ADA2: variants seen among roughly 807,000 people sequenced by gnomAD.
ADA2 encodes the protein adenosine deaminase 2.
A neutral mutation model predicts 44.2 loss-of-function variants in ADA2; 29 were observed. The ratio of observed to expected loss-of-function variants is 0.66; its 90% CI spans 0.49 to 0.89. The LOEUF (loss-of-function observed/expected upper bound fraction) is 0.89, where lower values mean the gene tolerates loss of function less well. ADA2 is among the 40% of genes least tolerant of loss of function. The probability of loss-of-function intolerance (pLI) is 0.00; values close to 1 mark genes in which losing one functional copy is unlikely to be tolerated. For missense variants in ADA2, 637 were observed against 644.8 expected, an observed-to-expected ratio of 0.99 and a Z score of 0.13; for synonymous variants, 215 against 234.9, an observed-to-expected ratio of 0.92 and a Z score of 0.77.
At chr22:17,188,045 AG>A (rs1440867401) in intron 7 of ADA2, among the ~76,000 whole-genome samples, 1 of 151,686 alleles carries the variant, frequency 6.6e-6, no homozygotes, top group East Asian at 1.9e-4. Flanking sequence ...CCGAGGTTGC[AG>A]TGAGCTGGGC....
At chr22:17,206,726 ACCTCCTGGGTTAAAGTGAT>A (rs915035426) in intron 3 of ADA2, among the ~76,000 whole-genome samples, 8 of 152,052 alleles carry the variant, frequency 5.3e-5, no homozygotes, top group African/African-American at 1.7e-4. Context: ...TGTGGCCTCA[ACCTCCTGGGTTAAAGTGAT>A]CCTCCTGGGT....
In ADA2 at chr22:17,181,369, G is replaced by A. The variant is rs1280576196; in HGVS notation, c.*114C>T. On this transcript the variant is annotated 3_prime_UTR_variant, in exon 10 of 10. Transcript: ENST00000399837. ...CCAGCCAAGTGCTTCTCACAGGGTC[G>A]CTCCATACAGAGGCCATTGATTTCA... 20 of 751,434 alleles carry A rather than the reference G, an allele frequency of 2.7e-5. No homozygotes were observed. The highest frequency in any genetic ancestry group is 2.3e-4 in the South Asian group (15 of 66,432). 46.5% of individuals were successfully genotyped at this position (751,434 alleles called of 1,614,324 possible).
intron 7 of ADA2, among the ~76,000 whole-genome samples, chr22:17,187,007 A>G (rs1349882337): frequency 6.6e-6 from 1 of 151,848 alleles, no homozygotes; most frequent in Non-Finnish European, 1.5e-5. Context: ...TCTACTAAAA[A>G]TACAAAAAAT....
chr22:17,198,026 G>GAT (rs1225496333), intron 4 of ADA2, among the ~76,000 whole-genome samples: 1 of 144,100 alleles, frequency 6.9e-6, no homozygotes, highest in Admixed American at 7.2e-5. Context: ...CAACAAGAAC[G>GAT]AAACTCCGTC....
chr22:17,180,651 G>T lies in ADA2; in HGVS notation c.*832C>A, dbSNP rs1189859347. On this transcript the variant is annotated 3_prime_UTR_variant, in exon 10 of 10. Transcript: ENST00000399837. ...AAAAATTAAAGTAGAGAAAAAGAAA[G>T]GTTTAAAGGGAAGAGACTGAGGGTT... The T allele has an allele frequency of 6.6e-6, 1 of 151,962 alleles. No homozygotes were observed. The highest frequency in any genetic ancestry group is 2.4e-5 in the African/African-American group (1 of 41,372). 9.4% of individuals were successfully genotyped at this position (151,962 alleles called of 1,614,324 possible). A position where few individuals can be genotyped will look rare whatever the true frequency, so the allele number is the denominator to read the frequency against.
chr22:17,198,982 C>G (rs1366321624), intron 4 of ADA2, among the ~76,000 whole-genome samples: 1 of 151,622 alleles, frequency 6.6e-6, no homozygotes, highest in Non-Finnish European at 1.5e-5. Flanking sequence ...CAAAAGGATT[C>G]TAGTGAAGAC....
chr22:17,199,416 T>TCCTCCCTCCTCTCCTCTATCCTCTTCC, intron 4 of ADA2: 2 of 429,654 alleles, frequency 4.7e-6, no homozygotes, highest in South Asian at 2.7e-5. Flanking sequence ...TCTCAGCGTC[T>TCCTCCCTCCTCTCCTCTATCCTCTTCC]CCTCCCTCCC....
chr22:17,191,525 G>A (rs1156556047), intron 5 of ADA2, among the ~76,000 whole-genome samples, 158 bp downstream of exon 5: 1 of 152,054 alleles, frequency 6.6e-6, no homozygotes, highest in African/African-American at 2.4e-5. Context: ...ACTTACCTAG[G>A]ACTGTGCTCT....
intron 2 of ADA2, among the ~76,000 whole-genome samples, chr22:17,209,050 C>T (rs1486529134): frequency 1.3e-5 from 2 of 151,958 alleles, no homozygotes; most frequent in Non-Finnish European, 2.9e-5. Flanking sequence ...TTATACTACT[C>T]CAGGATGCTA....
chr22:17,210,026 G>A, intron 1 of ADA2: 1 of 227,214 alleles, frequency 4.4e-6, no homozygotes, highest in Non-Finnish European at 8.6e-6. Context: ...GAGTAGCTGG[G>A]ACTACAGGTG....
chr22:17,195,390 G>A (rs1292017012), intron 4 of ADA2, among the ~76,000 whole-genome samples: 7 of 152,008 alleles, frequency 4.6e-5, no homozygotes, highest in African/African-American at 7.2e-5. Flanking sequence ...TTAGCCGGGC[G>A]TGGTGGTGGG....
At chr22:17,204,250 A>T (rs1270547186) in intron 3 of ADA2, among the ~76,000 whole-genome samples, 4 of 152,174 alleles carry the variant, frequency 2.6e-5, no homozygotes, top group Admixed American at 2.6e-4. Context: ...TGGAGAAGGG[A>T]ATTTTAAAGA....
chr22:17,196,906 C>T (rs1320577906), intron 4 of ADA2, among the ~76,000 whole-genome samples: 1 of 152,198 alleles, frequency 6.6e-6, no homozygotes, highest in Admixed American at 6.5e-5. Flanking sequence ...GGCATGGTGG[C>T]TTATGCCTGT....
In ADA2 at chr22:17,181,452, G is replaced by C; in HGVS notation, c.*31C>G. On this transcript the variant is annotated 3_prime_UTR_variant, in exon 10 of 10. Transcript: ENST00000399837. Reference sequence around the variant, plus strand: ...GAGGAAGTGACAGCGTGTGCAAGAAGACAGCTTGTAGAGGGCTGGCTAGCT... The same window carrying C: ...GAGGAAGTGACAGCGTGTGCAAGAACACAGCTTGTAGAGGGCTGGCTAGCT... 7.1e-7 allele frequency: 1 copy of C among 1,418,058 alleles called. No individual in the cohort carries two copies. The highest frequency in any genetic ancestry group is 1.2e-5 in the South Asian group (1 of 86,926). 87.8% of individuals were successfully genotyped at this position (1,418,058 alleles called of 1,614,324 possible).
intron 5 of ADA2, 93 bp from the exon 6 acceptor site, chr22:17,190,125 C>T (rs1157133225): frequency 7.8e-6 from 8 of 1,027,802 alleles, no homozygotes; most frequent in Non-Finnish European, 1.2e-5. Context: ...TGGGCCAGCC[C>T]CAAGTGTGCA....
At position 17,188,413 on chromosome 22, in the gene ADA2, T is replaced by C. The variant is rs377213003; in HGVS notation, c.1007A>G (p.Asp336Gly). 6.2e-6 allele frequency: 10 copies of C among 1,613,672 alleles called. No homozygotes were observed. Among genetic ancestry groups the C allele is most frequent in the Non-Finnish European group, 8.5e-6 (10 of 1,179,710 alleles). The change falls in exon 7 of 10, where the codon GAC (aspartate) becomes GGC (glycine). Residue 336 changes from aspartate to glycine, a missense_variant. By Grantham distance (94) the Asp-to-Gly change is moderately conservative (BLOSUM62 -1). Transcript: ENST00000399837. ...GGGGATCATCAGAGCTTCCTTGTAG[T>C]CATGCAAGGAGTGGCCAGTGTCCTC... ...GHEDTGHSLH[D>G]YKEALMIPAK...
chr22:17,211,052 AT>A (rs1278831366), intron 1 of ADA2, among the ~76,000 whole-genome samples: 32 of 151,588 alleles, frequency 2.1e-4, no homozygotes, highest in African/African-American at 7.3e-4. Flanking sequence ...TCTAAAAAAA[AT>A]ATTTTTTTAT....
intron 4 of ADA2, among the ~76,000 whole-genome samples, chr22:17,192,570 G>A (rs763133363): frequency 3.9e-4 from 60 of 152,156 alleles, no homozygotes; most frequent in Admixed American, 1.3e-4. Flanking sequence ...GCTCACACCT[G>A]TAATCATAGC....
chr22:17,191,931 C>A, intron 4 of ADA2, 121 bp from the exon 5 acceptor site: 1 of 975,322 alleles, frequency 1.0e-6, no homozygotes, highest in Non-Finnish European at 1.5e-6. Flanking sequence ...CCCTTCCCAG[C>A]CACCCCTTCC....
Sources: allele counts gnomAD v4.1 joint callset (sites outside exome capture counted in the v4.1 genomes callset), GRCh38; gene constraint gnomAD v4.1.1; transcripts MANE v1.5; gene names NCBI Gene and HGNC (gene_info 2026-07-23, HGNC 2026-07-21).